Variants in ANKRD18A observed in about 807,000 individuals in gnomAD.
ANKRD18A encodes the protein ankyrin repeat domain 18A.
A neutral mutation model predicts 110.6 loss-of-function variants in ANKRD18A; 72 were observed. The observed-to-expected ratio is 0.65, with a 90% confidence interval of 0.54 to 0.79. The LOEUF (loss-of-function observed/expected upper bound fraction) is 0.79. ANKRD18A is among the 30% of genes least tolerant of loss of function. The probability of loss-of-function intolerance (pLI) is 0.00; values close to 1 mark genes in which losing one functional copy is unlikely to be tolerated. For missense variants in ANKRD18A, 934 were observed against 1,163.3 expected (o/e 0.80, Z 2.87); for synonymous variants, 305 against 410.3 (o/e 0.74, Z 3.10).
Position 38,571,406 on chromosome 9 carries a change from G to T in ANKRD18A, c.*639C>A. ...GTTTTATTTCTCCATGTAGAACAAA[G>T]AAGAAAATAAGAAAAACAATCATCT... is the stretch of plus-strand genomic sequence containing the variant. On this transcript the variant is annotated 3_prime_UTR_variant, in exon 16 of 16. Transcript: ENST00000399703. The T allele has an allele frequency of 1.5e-6, 1 of 658,412 alleles. No individual in the cohort carries two copies. Among genetic ancestry groups the T allele is most frequent in the Non-Finnish European group, 2.2e-6 (1 of 464,112 alleles). The allele number at this position is 658,412 out of a possible 1,614,324, so 40.8% of individuals were successfully genotyped here. A position where few individuals can be genotyped will look rare whatever the true frequency, so the allele number is the denominator to read the frequency against.
In ANKRD18A at chr9:38,571,821, T is replaced by A. The variant is rs533196788; in HGVS notation, c.*224A>T. On this transcript the variant is annotated 3_prime_UTR_variant, in exon 16 of 16. Transcript: ENST00000399703. ...CTAAAAAACATCATTTAAAATAACA[T>A]ATAAATATACACCATATGTGACATG... is the stretch of plus-strand genomic sequence containing the variant. 8.4e-7 allele frequency: 1 copy of A among 1,189,942 alleles called. No individual in the cohort carries two copies. The highest frequency in any genetic ancestry group is 3.1e-5 in the South Asian group (1 of 32,466). 73.7% of individuals were successfully genotyped at this position (1,189,942 alleles called of 1,614,324 possible).
At position 38,580,227 on chromosome 9, in the gene ANKRD18A, G is replaced by C. The variant is rs2118675804; in HGVS notation, c.2248-2079C>G. On this transcript the variant is annotated intron_variant, in intron 12 of 15. Transcript: ENST00000399703. ...TCCAGAGCAGCCTGAACAACATAGA[G>C]AGACATCTCTACAAAGTAAAAAATC... Among the ~76,000 whole-genome samples, 2 of 152,324 alleles carry C rather than the reference G, an allele frequency of 1.3e-5. 1 individual carries two copies. Among genetic ancestry groups the C allele is most frequent in the South Asian group, 4.1e-4 (2 of 4,826 alleles).
intron 3 of ANKRD18A, among the ~76,000 whole-genome samples, chr9:38,613,195 G>A (rs576401127): frequency 2.0e-5 from 3 of 151,350 alleles, no homozygotes; most frequent in Admixed American, 2.0e-4. Flanking sequence ...GAGAATATGT[G>A]CCTCCTACCC....
chr9:38,617,426 T>C (rs1825903154), intron 1 of ANKRD18A, among the ~76,000 whole-genome samples: 1 of 151,742 alleles, frequency 6.6e-6, no homozygotes, highest in Non-Finnish European at 1.5e-5. Flanking sequence ...GGCGACAGAG[T>C]GAGACTCTGT....
Position 38,572,058 on chromosome 9 carries a change from A to T in ANKRD18A, c.2966T>A (p.Val989Asp). The change falls in exon 16 of 16, where the codon GTT becomes GAT. Residue 989 changes from valine (V) to aspartate (D), a missense_variant and splice_region_variant. Physicochemically the swap from Val to Asp is radical, Grantham distance 152 (BLOSUM62 -3). This residue lies in a region of ANKRD18A where 223 missense variants were observed against 226.7 expected (regional missense o/e 0.98). Coordinates refer to ENST00000399703, the MANE Select transcript of ANKRD18A (RefSeq NM_147195.4). ...GGGAGCAAGTGCTCAACATAGCAAA[A>T]CCTGGAAAGAAAAAGAAAGGATTAT... is the stretch of plus-strand genomic sequence containing the variant. The part of the protein sequence containing the change: ...SNNCKNFLTE[V>D]LLC 6.3e-7 allele frequency: 1 copy of T among 1,583,754 alleles called. No individual in the cohort carries two copies. Among genetic ancestry groups the T allele is most frequent in the Non-Finnish European group, 8.5e-7 (1 of 1,169,772 alleles).
chr9:38,579,285 G>T (rs1824046579), intron 12 of ANKRD18A, among the ~76,000 whole-genome samples: 1 of 152,174 alleles, frequency 6.6e-6, no homozygotes, highest in South Asian at 2.1e-4. Flanking sequence ...TCTGCACAAA[G>T]ATTTGTATAG....
intron 1 of ANKRD18A, among the ~76,000 whole-genome samples, chr9:38,617,676 G>A (rs1382275643): frequency 6.6e-6 from 1 of 152,072 alleles, no homozygotes; most frequent in East Asian, 1.9e-4. Context: ...AAGGTGGGAG[G>A]AAAAGCTTCA....
At chr9:38,569,264 G>A (rs1482038819), downstream of ANKRD18A, 1 of 966,566 alleles carries the variant, frequency 1.0e-6, no homozygotes, top group East Asian at 1.2e-4. Flanking sequence ...GGATGAATGA[G>A]ATGACTGTCA....
chr9:38,618,117 A>G (rs139160718), intron 1 of ANKRD18A, among the ~76,000 whole-genome samples: 272 of 152,332 alleles, frequency 1.8e-3, no homozygotes, highest in African/African-American at 6.2e-3. Context: ...CACAATAATA[A>G]TGATAAAAAA....
At chr9:38,592,240 G>A (rs1389471579) in intron 10 of ANKRD18A, among the ~76,000 whole-genome samples, 1 of 151,808 alleles carries the variant, frequency 6.6e-6, no homozygotes, top group African/African-American at 2.4e-5. Context: ...TTTGTTCTAT[G>A]CTGAAAGCTG....
In ANKRD18A at chr9:38,593,886, T is replaced by C; in HGVS notation, c.1878A>G (p.Glu626=). 1 of 1,489,670 alleles carries C rather than the reference T, an allele frequency of 6.7e-7. No homozygotes were observed. Among genetic ancestry groups the C allele is most frequent in the Non-Finnish European group, 8.9e-7 (1 of 1,121,408 alleles). 92.3% of individuals were successfully genotyped at this position (1,489,670 alleles called of 1,614,324 possible). A position where few individuals can be genotyped will look rare whatever the true frequency, so the allele number is the denominator to read the frequency against. Reference sequence around the variant, plus strand: ...ATGTTTTAAGGTGATCGACCAGTTCTTCTTGAAATTCTCTCACAATCACCT... The same window carrying C: ...ATGTTTTAAGGTGATCGACCAGTTCCTCTTGAAATTCTCTCACAATCACCT... The part of the protein sequence containing the change: ...EREVIVREFQ[E]ELVDHLKTFS... The change falls in exon 10 of 16, where the codon GAA becomes GAG. Residue 626 remains glutamate (E), a synonymous_variant. Transcript: ENST00000399703.
At position 38,595,649 on chromosome 9, in the gene ANKRD18A, C is replaced by T. The variant is rs756374735; in HGVS notation, c.1691G>A (p.Arg564His). ...LLLERQLEDARKEGDNKEIVI... is the reference protein window; with the variant it reads ...LLLERQLEDAHKEGDNKEIVI... ...TATCTCTTTATTATCGCCTTCCTTA[C>T]GAGCATCCTCTAGTTGTCGTTCAAG... Residue 564 changes from arginine (R) to histidine (H), a missense_variant, in exon 9 of 16, where the codon CGT becomes CAT. Around this residue, in one of 4 missense-constraint regions of ANKRD18A, gnomAD observed 630 missense variants for 797.5 expected, o/e 0.79. Coordinates refer to ENST00000399703, the MANE Select transcript of ANKRD18A (RefSeq NM_147195.4). 2.2e-5 allele frequency: 34 copies of T among 1,551,126 alleles called. No individual in the cohort carries two copies. The highest frequency in any genetic ancestry group is 1.8e-4 in the Admixed American group (9 of 50,966).
Position 38,571,492 on chromosome 9 carries a change from G to A in ANKRD18A, c.*553C>T. 1.5e-6 allele frequency: 1 copy of A among 664,834 alleles called. No individual in the cohort carries two copies. Among genetic ancestry groups the A allele is most frequent in the Non-Finnish European group, 1.9e-6 (1 of 514,552 alleles). 41.2% of individuals were successfully genotyped at this position (664,834 alleles called of 1,614,324 possible). Reference sequence around the variant, plus strand: ...TCATCCATGAAATGCTAAATCTAGTGGGTTTTGAGGAGTAACCAGATATTT... The same window carrying A: ...TCATCCATGAAATGCTAAATCTAGTAGGTTTTGAGGAGTAACCAGATATTT... On this transcript the variant is annotated 3_prime_UTR_variant, in exon 16 of 16. Coordinates refer to ENST00000399703, the MANE Select transcript of ANKRD18A (RefSeq NM_147195.4).
rs3005822 is a variant in ANKRD18A, at chr9:38,599,687, C to T, written c.936+1444G>A. On this transcript the variant is annotated intron_variant, in intron 8 of 15. Coordinates refer to ENST00000399703, the MANE Select transcript of ANKRD18A (RefSeq NM_147195.4). ...CCATGTTGGTCAGGCTGGTCTCGAA[C>T]TCCTGACCTCAGATGATCTGCCTGC... Among the ~76,000 whole-genome samples, 165 of 152,290 alleles carry T rather than the reference C, an allele frequency of 1.1e-3. 2 individuals are homozygous for T. The highest frequency in any genetic ancestry group is 3.7e-3 in the African/African-American group (152 of 41,560).
chr9:38,581,959 C>T (rs548326846), intron 12 of ANKRD18A, among the ~76,000 whole-genome samples: 11 of 152,180 alleles, frequency 7.2e-5, no homozygotes, highest in African/African-American at 1.7e-4. Flanking sequence ...ATACAGAAAC[C>T]GTGGTTTCTG....
At chr9:38,609,521 G>A (rs947602411) in intron 5 of ANKRD18A, among the ~76,000 whole-genome samples, 1 of 151,990 alleles carries the variant, frequency 6.6e-6, no homozygotes, top group Admixed American at 6.6e-5. Flanking sequence ...CTGTAGCTGT[G>A]GACTCTGTGT....
At chr9:38,607,276 C>G (rs959294280) in intron 6 of ANKRD18A, 150 bp downstream of exon 6, 3 of 446,412 alleles carry the variant, frequency 6.7e-6, no homozygotes, top group Non-Finnish European at 1.1e-5. Context: ...AGGCTGGTCT[C>G]AAAATCCTGA....
In ANKRD18A at chr9:38,571,864, T is replaced by A; in HGVS notation, c.*181A>T. On this transcript the variant is annotated 3_prime_UTR_variant, in exon 16 of 16. Transcript: ENST00000399703. Reference sequence around the variant, plus strand: ...GTGACATGAAAATATTCTACTTTAGTAAAGATTATGATGTTTTATATTATA... The same window carrying A: ...GTGACATGAAAATATTCTACTTTAGAAAAGATTATGATGTTTTATATTATA... The A allele has an allele frequency of 7.7e-7, 1 of 1,301,796 alleles. No homozygotes were observed. The highest frequency in any genetic ancestry group is 9.8e-7 in the Non-Finnish European group (1 of 1,016,024). The allele number at this position is 1,301,796 out of a possible 1,614,324, so 80.6% of individuals were successfully genotyped here.
intron 14 of ANKRD18A, 52 bp from the exon 15 acceptor site, chr9:38,575,750 T>C (rs1823864401): frequency 1.3e-6 from 2 of 1,492,562 alleles, no homozygotes; most frequent in Non-Finnish European, 1.8e-6. Flanking sequence ...CCTTGAATGA[T>C]TCTTAATGAC....
Sources: allele counts gnomAD v4.1 joint callset (sites outside exome capture counted in the v4.1 genomes callset), GRCh38; gene constraint gnomAD v4.1.1; regional missense constraint gnomAD v4.1.1; transcripts MANE v1.5; gene names NCBI Gene and HGNC (gene_info 2026-07-23, HGNC 2026-07-21).